The following SRPK2 variants were observed in gnomAD, a reference collection of about 807,000 sequenced individuals.
SRPK2 encodes SRSF protein kinase 2, also known as SFRS protein kinase 2.
A neutral mutation model predicts 90.8 loss-of-function variants in SRPK2; 21 were observed. The ratio of observed to expected loss-of-function variants is 0.23; its 90% CI spans 0.16 to 0.33. The LOEUF is 0.33. SRPK2 is among the 10% of genes least tolerant of loss of function. The pLI is 1.00. For synonymous variants in SRPK2, 288 were observed against 311.1 expected (o/e 0.93, Z 0.78); for missense variants, 620 against 869.0 (o/e 0.71, Z 3.60).
chr7:105,375,466 G>C (rs1673610635), intron 2 of SRPK2, among the ~76,000 whole-genome samples: 1 of 152,152 alleles, frequency 6.6e-6, no homozygotes, highest in African/African-American at 2.4e-5. Flanking sequence ...AAGACAGCTT[G>C]AAGCCAGGAG....
upstream of SRPK2, among the ~76,000 whole-genome samples, chr7:105,391,004 C>T (rs1353146168): frequency 6.6e-6 from 1 of 151,962 alleles, no homozygotes; most frequent in South Asian, 2.1e-4. Flanking sequence ...GTACCTTTTC[C>T]CTCTGTATTT....
At chr7:105,299,580 T>C (rs962214758) in intron 2 of SRPK2, among the ~76,000 whole-genome samples, 1 of 152,188 alleles carries the variant, frequency 6.6e-6, no homozygotes, top group Admixed American at 6.5e-5. Flanking sequence ...ATAACTCATT[T>C]TGACACAATC....
At chr7:105,188,500 T>A (rs1414302726) in intron 3 of SRPK2, among the ~76,000 whole-genome samples, 1 of 152,218 alleles carries the variant, frequency 6.6e-6, no homozygotes, top group Non-Finnish European at 1.5e-5. Context: ...TATATCTCAA[T>A]TTTTTAAAAT....
intron 11 of SRPK2, among the ~76,000 whole-genome samples, chr7:105,136,397 T>A (rs567567394): frequency 2.8e-4 from 43 of 152,340 alleles, no homozygotes; most frequent in African/African-American, 9.9e-4. Flanking sequence ...AGTAGTGACC[T>A]GTCACACGGT....
intron 2 of SRPK2, among the ~76,000 whole-genome samples, chr7:105,232,458 TAAA>T (rs10533429): frequency 2.6e-4 from 35 of 132,100 alleles, no homozygotes; most frequent in African/African-American, 9.9e-4. Context: ...AAACCTTATC[TAAA>T]AAAAAAAAAA....
chr7:105,229,178 CT>C lies in SRPK2; in HGVS notation c.72-25394del, dbSNP rs1315964748. Among the ~76,000 whole-genome samples the C allele has an allele frequency of 5.3e-5, 8 of 152,196 alleles. No individual in the cohort carries two copies. The East Asian group carries it at 1.4e-3, about 26-fold the overall frequency. ...CACTTGTTGCTTTAAAACGACCATC[CT>C]TTGGCCGAGCAAGGTGGCTCACGCC... is the stretch of plus-strand genomic sequence containing the variant. On this transcript the variant is annotated intron_variant, in intron 2 of 15. Transcript: ENST00000393651.
rs576922501 is a variant in SRPK2, at chr7:105,380,329, A to C, written c.71+8319T>G. 4.0e-5 allele frequency among the ~76,000 whole-genome samples: 6 copies of C among 151,754 alleles called. No individual in the cohort carries two copies. In the East Asian group the frequency reaches 9.8e-4, roughly 25 times the overall value. On this transcript the variant is annotated intron_variant, in intron 2 of 15. Transcript: ENST00000393651. The stretch of plus-strand genomic sequence containing the variant: ...GTATTTTTAGTAGAGACGGGGTTTC[A>C]TCATGTTGGCCAGGCTGGTCTCAAA...
chr7:105,268,666 A>G (rs1220404175), intron 2 of SRPK2: 1 of 925,858 alleles, frequency 1.1e-6, no homozygotes, highest in African/African-American at 1.6e-5. Context: ...TTGCCCCAAT[A>G]CACATCTTCA....
chr7:105,192,836 G>C (rs1475805942), intron 3 of SRPK2, among the ~76,000 whole-genome samples: 1 of 152,102 alleles, frequency 6.6e-6, no homozygotes, highest in Non-Finnish European at 1.5e-5. Flanking sequence ...TTGGCCATCT[G>C]TATATCTTCT....
At chr7:105,280,947 C>CAAAAAAAAAAAAAAA (rs1158350206) in intron 2 of SRPK2, among the ~76,000 whole-genome samples, 3 of 43,308 alleles carry the variant, frequency 6.9e-5, no homozygotes, top group African/African-American at 2.3e-4. Context: ...GACTCCATCT[C>CAAAAAAAAAAAAAAA]AAAAAAAAAA....
rs187530589 is a variant in SRPK2 at position 105,194,548 on chromosome 7, T to C, written c.229+9080A>G. 8.5e-3 allele frequency among the ~76,000 whole-genome samples: 1,290 copies of C among 152,310 alleles called. 8 individuals carry two copies. The highest frequency in any genetic ancestry group is 0.013 in the Non-Finnish European group (905 of 68,028). On this transcript the variant is annotated intron_variant, in intron 3 of 15. Coordinates refer to ENST00000393651, the MANE Select transcript of SRPK2 (RefSeq NM_182692.3). ...GGTGCATAAGAATCAGTTACATTTC[T>C]ATAACCCATCAAAACCACACCAAAA...
At chr7:105,342,272 C>T (rs969380162) in intron 2 of SRPK2, among the ~76,000 whole-genome samples, 2 of 151,280 alleles carry the variant, frequency 1.3e-5, no homozygotes, top group East Asian at 1.9e-4. Context: ...TGCGGTGAGC[C>T]GAGATCGCAC....
chr7:105,254,475 A>G (rs931053114), intron 2 of SRPK2, among the ~76,000 whole-genome samples: 1 of 152,246 alleles, frequency 6.6e-6, no homozygotes, highest in South Asian at 2.1e-4. Flanking sequence ...AATCAATAAA[A>G]TTATGTACAT....
intron 2 of SRPK2, among the ~76,000 whole-genome samples, chr7:105,358,496 G>A (rs1818055254): frequency 6.6e-6 from 1 of 152,030 alleles, no homozygotes; most frequent in African/African-American, 2.4e-5. Context: ...AACCAGCCTG[G>A]ACAACATGAC....
chr7:105,373,517 C>T (rs1819945764), intron 2 of SRPK2, among the ~76,000 whole-genome samples: 1 of 151,382 alleles, frequency 6.6e-6, no homozygotes, highest in African/African-American at 2.4e-5. Flanking sequence ...ATTCTCATGC[C>T]TCAGCCTCCC....
At chr7:105,167,261 G>A in intron 6 of SRPK2, 116 bp downstream of exon 6, 1 of 788,998 alleles carries the variant, frequency 1.3e-6, no homozygotes, top group Non-Finnish European at 2.0e-6. Context: ...ACTTGACAAT[G>A]TTCCTAGAGT....
chr7:105,173,572 C>A (rs1323449928), intron 3 of SRPK2, among the ~76,000 whole-genome samples: 1 of 152,168 alleles, frequency 6.6e-6, no homozygotes, highest in Non-Finnish European at 1.5e-5. Context: ...AGTAACTCCA[C>A]CAGAAATGAC....
At chr7:105,389,120 C>A (rs533315415), upstream of SRPK2, 13 of 989,444 alleles carry the variant, frequency 1.3e-5, no homozygotes, top group Admixed American at 4.3e-4. Context: ...CGGCCTCCCC[C>A]ACCCCAGCCC....
Position 105,261,022 on chromosome 7 carries a change from TAAAA to T in SRPK2, c.72-57241_72-57238del, listed in dbSNP as rs72277307. Among the ~76,000 whole-genome samples, 430 of 116,040 alleles carry T rather than the reference TAAAA, an allele frequency of 3.7e-3. 10 individuals are homozygous for T. The East Asian group carries it at 0.062, about 17-fold the overall frequency. The allele number at this position is 116,040 out of a possible 152,430, so 76.1% of individuals were successfully genotyped here. A position where few individuals can be genotyped will look rare whatever the true frequency, so the allele number is the denominator to read the frequency against. ...CATTGTGCATATGTACCCTAGAAATTAAAAAAAAAAAAAAAAAAAACAGTATGGA... is the reference window on the plus strand; with the variant it reads ...CATTGTGCATATGTACCCTAGAAATTAAAAAAAAAAAAAAAACAGTATGGA... On this transcript the variant is annotated intron_variant, in intron 2 of 15. Coordinates refer to ENST00000393651, the MANE Select transcript of SRPK2 (RefSeq NM_182692.3).
Sources: allele counts gnomAD v4.1 joint callset (sites outside exome capture counted in the v4.1 genomes callset), GRCh38; gene constraint gnomAD v4.1.1; transcripts MANE v1.5; gene names NCBI Gene and HGNC (gene_info 2026-07-23, HGNC 2026-07-21).